SKIC3: variants seen among roughly 807,000 people sequenced by gnomAD.
SKIC3 encodes SKI3 subunit of superkiller complex, also known as superkiller complex protein 3.
chr5:95,544,834 T>C, the SKIC3 span, among the ~76,000 whole-genome samples: 1 of 152,118 alleles, frequency 6.6e-6, no homozygotes, highest in Non-Finnish European at 1.5e-5. Flanking sequence ...TGAAAGAACA[T>C]AGAGAAAAAA....
the SKIC3 span, among the ~76,000 whole-genome samples, chr5:95,534,126 A>G: frequency 1.3e-5 from 2 of 152,106 alleles, no homozygotes; most frequent in African/African-American, 4.8e-5. Context: ...CAATAAAGAA[A>G]ATCAGCCTAC....
the SKIC3 span, among the ~76,000 whole-genome samples, chr5:95,510,027 T>C: frequency 6.6e-6 from 1 of 152,214 alleles, no homozygotes; most frequent in Non-Finnish European, 1.5e-5. Flanking sequence ...ACTTAAGCCT[T>C]CCTGTGATTA....
At chr5:95,531,763 T>C in the SKIC3 span, among the ~76,000 whole-genome samples, 14 of 152,288 alleles carry the variant, frequency 9.2e-5, no homozygotes, top group Non-Finnish European at 2.1e-4. Context: ...GTCTACAATA[T>C]TTGCTAATAC....
chr5:95,467,251 C>G, the SKIC3 span, among the ~76,000 whole-genome samples: 1 of 152,030 alleles, frequency 6.6e-6, no homozygotes, highest in Non-Finnish European at 1.5e-5. Flanking sequence ...CTTATAGGAA[C>G]GCATTAATAG....
the SKIC3 span, among the ~76,000 whole-genome samples, chr5:95,534,587 C>T: frequency 6.6e-6 from 1 of 152,180 alleles, no homozygotes; most frequent in African/African-American, 2.4e-5. Context: ...CTCAATCTGT[C>T]AAGACAGACC....
the SKIC3 span, among the ~76,000 whole-genome samples, chr5:95,519,985 G>C: frequency 6.6e-6 from 1 of 151,948 alleles, no homozygotes; most frequent in Non-Finnish European, 1.5e-5. Flanking sequence ...TTCATATTTG[G>C]TTCATATGAA....
At chr5:95,542,242 C>T in the SKIC3 span, among the ~76,000 whole-genome samples, 1 of 151,980 alleles carries the variant, frequency 6.6e-6, no homozygotes, top group Non-Finnish European at 1.5e-5. Context: ...TACTATATGA[C>T]ATTATTTTTT....
At chr5:95,467,051 G>A in the SKIC3 span, among the ~76,000 whole-genome samples, 2 of 152,112 alleles carry the variant, frequency 1.3e-5, no homozygotes, top group Non-Finnish European at 2.9e-5. Flanking sequence ...GGGTTTAGAT[G>A]GTCATATATT....
At chr5:95,522,456 C>A in the SKIC3 span, 10 of 921,058 alleles carry the variant, frequency 1.1e-5, no homozygotes, top group South Asian at 7.4e-5. Flanking sequence ...TAAATTTGTT[C>A]CTTTTATGAT....
chr5:95,505,362 C>T, the SKIC3 span, among the ~76,000 whole-genome samples: 10 of 152,148 alleles, frequency 6.6e-5, no homozygotes, highest in Admixed American at 6.5e-4. Context: ...GGAAAGAGGA[C>T]TACCTTAGAT....
the SKIC3 span, among the ~76,000 whole-genome samples, chr5:95,551,849 C>T: frequency 6.6e-6 from 1 of 152,202 alleles, no homozygotes; most frequent in Admixed American, 6.5e-5. Flanking sequence ...TTACCTGATA[C>T]ACACATAGAT....
At chr5:95,550,512 G>C in the SKIC3 span, 1 of 148,520 alleles carries the variant, frequency 6.7e-6, no homozygotes, top group Admixed American at 6.8e-5. Flanking sequence ...TCTTCTGAAA[G>C]GAATGAGTAA....
the SKIC3 span, among the ~76,000 whole-genome samples, chr5:95,553,672 G>C: frequency 1.3e-5 from 2 of 152,068 alleles, no homozygotes; most frequent in African/African-American, 4.8e-5. Context: ...TGATTCTCCT[G>C]CCTCAGCCTC....
chr5:95,493,950 C>CTA, the SKIC3 span, among the ~76,000 whole-genome samples: 3 of 152,056 alleles, frequency 2.0e-5, no homozygotes, highest in Non-Finnish European at 2.9e-5. Context: ...GATCAACAGC[C>CTA]TATATATGAC....
chr5:95,507,802 C>T, the SKIC3 span, among the ~76,000 whole-genome samples: 1 of 151,936 alleles, frequency 6.6e-6, no homozygotes, highest in Admixed American at 6.6e-5. Flanking sequence ...TTGTTTAAAG[C>T]AGAAAACAGC....
the SKIC3 span, among the ~76,000 whole-genome samples, chr5:95,538,861 C>T: frequency 1.3e-5 from 2 of 152,138 alleles, no homozygotes; most frequent in African/African-American, 2.4e-5. Flanking sequence ...TAATTCAGTA[C>T]TCTTAGTTCA....
chr5:95,542,862 TTC>T, the SKIC3 span, among the ~76,000 whole-genome samples: 1 of 152,196 alleles, frequency 6.6e-6, no homozygotes, highest in East Asian at 1.9e-4. Flanking sequence ...TAAAAAACAT[TTC>T]TTTTTCCTCA....
At chr5:95,492,652 G>GAAGA in the SKIC3 span, among the ~76,000 whole-genome samples, 2 of 48,836 alleles carry the variant, frequency 4.1e-5, no homozygotes, top group African/African-American at 2.9e-4. Flanking sequence ...AAAAAAAAAA[G>GAAGA]AAAAAAAAAA....
At chr5:95,479,155 A>G in the SKIC3 span, among the ~76,000 whole-genome samples, 1 of 152,230 alleles carries the variant, frequency 6.6e-6, no homozygotes, top group East Asian at 1.9e-4. Flanking sequence ...AAGTCAACGT[A>G]TAAAAATCAA....
Sources: allele counts gnomAD v4.1 joint callset (sites outside exome capture counted in the v4.1 genomes callset), GRCh38; gene constraint gnomAD v4.1.1; transcripts MANE v1.5; gene names NCBI Gene and HGNC (gene_info 2026-07-23, HGNC 2026-07-21).